AIFM3: variants seen among roughly 807,000 people sequenced by gnomAD.
The protein encoded by AIFM3 is apoptosis-inducing factor 3.
In AIFM3, 71 loss-of-function variants were observed where a neutral mutation model predicts 82.7. The ratio of observed to expected loss-of-function variants is 0.86; its 90% CI spans 0.71 to 1.05. The LOEUF is 1.05. Among genes scored for constraint, AIFM3 ranks in the 50% least tolerant of loss-of-function variants. The probability of loss-of-function intolerance (pLI) is 0.00; values close to 1 mark genes in which losing one functional copy is unlikely to be tolerated. For synonymous variants in AIFM3, 337 were observed against 329.1 expected (o/e 1.02, Z -0.26); for missense variants, 748 against 816.7 (o/e 0.92, Z 1.03).
intron 16 of AIFM3, 31 bp from the exon 17 acceptor site, chr22:20,979,240 G>A: frequency 6.4e-7 from 1 of 1,550,762 alleles, no homozygotes; most frequent in Middle Eastern, 1.7e-4. Flanking sequence ...AAGAGCGAGA[G>A]TTAGGGTTCT....
rs570470648 is a variant in AIFM3, at chr22:20,980,048, A to G, written c.1681A>G (p.Met561Val). The change falls in exon 19 of 21, where the codon ATG becomes GTG. Residue 561 changes from methionine (M) to valine (V), a missense_variant. Transcript: ENST00000440238. ...KGDEVIAVAS[M>V]NYDPIVSKVA... Reference sequence around the variant, plus strand: ...CGACGAGGTGATCGCCGTGGCCAGCATGAACTACGATCCCATTGTGTCCAA... The same window carrying G: ...CGACGAGGTGATCGCCGTGGCCAGCGTGAACTACGATCCCATTGTGTCCAA... 1.2e-6 allele frequency: 2 copies of G among 1,611,478 alleles called. No individual in the cohort carries two copies. Among genetic ancestry groups the G allele is most frequent in the South Asian group, 2.2e-5 (2 of 91,084 alleles).
chr22:20,969,591 A>G (rs1461852215), intron 2 of AIFM3, among the ~76,000 whole-genome samples: 1 of 152,050 alleles, frequency 6.6e-6, no homozygotes, highest in African/African-American at 2.4e-5. Context: ...CACCACGCCC[A>G]GCTATTTTTT....
At chr22:20,978,028 T>C (rs750818695) in intron 16 of AIFM3, 23 bp downstream of exon 16, 114 of 1,610,230 alleles carry the variant, frequency 7.1e-5, no homozygotes, top group Non-Finnish European at 9.2e-5. Context: ...CCGAGGCACA[T>C]GGAGGGGTGG....
intron 10 of AIFM3, 32 bp from the exon 11 acceptor site, chr22:20,976,376 A>C: frequency 6.2e-7 from 1 of 1,613,764 alleles, no homozygotes; most frequent in Non-Finnish European, 8.5e-7. Context: ...TGGGGCTGCC[A>C]GGAGGCCCTC....
At position 20,968,114 on chromosome 22, in the gene AIFM3, A is replaced by T; in HGVS notation, c.31+139A>T. On this transcript the variant is annotated intron_variant, in intron 2 of 20. Coordinates refer to ENST00000440238, the MANE Select transcript of AIFM3 (RefSeq NM_001386814.1). ...CCAAGAACCCGCTCGGAATGTTAAT[A>T]CGCTGCCGCCAGGAGGGGGTAGGGG... is the stretch of plus-strand genomic sequence containing the variant. 3.4e-6 allele frequency: 3 copies of T among 888,984 alleles called. No homozygotes were observed. In the East Asian group the frequency reaches 8.1e-5, roughly 24 times the overall value. 55.1% of individuals were successfully genotyped at this position (888,984 alleles called of 1,614,324 possible). A position where few individuals can be genotyped will look rare whatever the true frequency, so the allele number is the denominator to read the frequency against.
intron 2 of AIFM3, among the ~76,000 whole-genome samples, chr22:20,969,969 G>C (rs978831505): frequency 5.3e-5 from 8 of 152,174 alleles, no homozygotes; most frequent in African/African-American, 1.7e-4. Flanking sequence ...GTGTGCATCA[G>C]CACCTGCTTC....
chr22:20,975,380 C>T (rs1051512656), intron 8 of AIFM3, among the ~76,000 whole-genome samples: 2 of 151,166 alleles, frequency 1.3e-5, no homozygotes, highest in East Asian at 2.0e-4. Flanking sequence ...ATCCTCCCAC[C>T]TCTGCCTCCC....
intron 2 of AIFM3, among the ~76,000 whole-genome samples, chr22:20,971,970 G>T (rs1027248561): frequency 6.6e-6 from 1 of 152,140 alleles, no homozygotes; most frequent in African/African-American, 2.4e-5. Flanking sequence ...AGGCTGTGGG[G>T]GGGGGGGGCT....
intron 2 of AIFM3, among the ~76,000 whole-genome samples, chr22:20,970,361 G>A (rs547937710): frequency 9.9e-5 from 15 of 152,198 alleles, no homozygotes; most frequent in African/African-American, 3.4e-4. Flanking sequence ...ATCATAGCTC[G>A]CAGCAACCTA....
rs178274 is a variant in AIFM3 at position 20,977,388 on chromosome 22, A to T, written c.1282+293A>T. 6 of 602,054 alleles carry T rather than the reference A, an allele frequency of 1.0e-5. No individual in the cohort carries two copies. In the South Asian group the frequency reaches 1.2e-4, roughly 12 times the overall value. The allele number at this position is 602,054 out of a possible 1,614,324, so 37.3% of individuals were successfully genotyped here. ...TCGAACTGGCTTCTGCTCCAGCTGA[A>T]GTGCCAATTTGGGTAGGGGCCAAGA... On this transcript the variant is annotated intron_variant, in intron 14 of 20. Transcript: ENST00000440238.
rs773533457 is a variant in AIFM3 at position 20,974,187 on chromosome 22, G to A, written c.465+15G>A. 6 of 1,613,292 alleles carry A rather than the reference G, an allele frequency of 3.7e-6. No homozygotes were observed. The Admixed American group carries it at 6.7e-5, about 18-fold the overall frequency. ...ACAAGTTCCAGGTGGGGCCAGGAGT[G>A]CGATGGGGTGGGAACCTGGGGGTGT... On this transcript the variant is annotated intron_variant, in intron 5 of 20. Transcript: ENST00000440238.
chr22:20,976,968 T>G (rs776260420), intron 13 of AIFM3, 30 bp downstream of exon 13: 2 of 1,613,950 alleles, frequency 1.2e-6, no homozygotes, highest in Non-Finnish European at 1.7e-6. Context: ...CCCTGCTGCT[T>G]TCTGTCCTCT....
intron 2 of AIFM3, among the ~76,000 whole-genome samples, chr22:20,969,638 C>G (rs1923146555): frequency 6.6e-6 from 1 of 152,136 alleles, no homozygotes; most frequent in African/African-American, 2.4e-5. Context: ...ACCGTGTTAG[C>G]CAGGATGGTC....
chr22:20,965,707 A>T (rs1355250954), upstream of AIFM3, among the ~76,000 whole-genome samples: 1 of 152,020 alleles, frequency 6.6e-6, no homozygotes, highest in African/African-American at 2.4e-5. Context: ...CCTTGGGATG[A>T]GGCAGTGGGG....
chr22:20,973,740 A>C lies in AIFM3; in HGVS notation c.246-18A>C. 6.5e-7 allele frequency: 1 copy of C among 1,528,076 alleles called. No individual in the cohort carries two copies. The highest frequency in any genetic ancestry group is 8.8e-7 in the Non-Finnish European group (1 of 1,135,774). 94.7% of individuals were successfully genotyped at this position (1,528,076 alleles called of 1,614,324 possible). On this transcript the variant is annotated intron_variant, in intron 3 of 20. Transcript: ENST00000440238. ...TGCCTGGTGTCTGGCCTGACCTCTG[A>C]GTGCTGCGGTTCCCCAGGATGCGGG...
rs752440165 is a variant in AIFM3 at position 20,980,056 on chromosome 22, C to T, written c.1689C>T (p.Tyr563=). 5 of 1,611,376 alleles carry T rather than the reference C, an allele frequency of 3.1e-6. No homozygotes were observed. Among genetic ancestry groups the T allele is most frequent in the African/African-American group, 2.7e-5 (2 of 74,930 alleles). Residue 563 remains tyrosine (Y), a synonymous_variant, in exon 19 of 21, where the codon TAC becomes TAT. Coordinates refer to ENST00000440238, the MANE Select transcript of AIFM3 (RefSeq NM_001386814.1). ...DEVIAVASMN[Y]DPIVSKVAEV... is the part of the protein sequence containing the mutation. ...TGATCGCCGTGGCCAGCATGAACTA[C>T]GATCCCATTGTGTCCAAGGTCGCTG... is the stretch of plus-strand genomic sequence containing the variant.
rs541592202 is a variant in AIFM3 at position 20,977,610 on chromosome 22, CT to C, written c.1283-89del. The C allele has an allele frequency of 4.5e-5, 68 of 1,517,094 alleles. 1 individual carries two copies. The African/African-American group carries it at 8.8e-4, about 20-fold the overall frequency. The allele number at this position is 1,517,094 out of a possible 1,614,324, so 94.0% of individuals were successfully genotyped here. A position where few individuals can be genotyped will look rare whatever the true frequency, so the allele number is the denominator to read the frequency against. Reference sequence around the variant, plus strand: ...CAGCCCCTGGAGGATCAGTCTGGGGCTGGCACATCAAGCGCATGCTGTAGGG... The same window carrying C: ...CAGCCCCTGGAGGATCAGTCTGGGGCGGCACATCAAGCGCATGCTGTAGGG... On this transcript the variant is annotated intron_variant, in intron 14 of 20. Coordinates refer to ENST00000440238, the MANE Select transcript of AIFM3 (RefSeq NM_001386814.1).
chr22:20,971,018 G>A (rs1310211063), intron 2 of AIFM3, among the ~76,000 whole-genome samples: 5 of 152,212 alleles, frequency 3.3e-5, no homozygotes, highest in African/African-American at 1.2e-4. Flanking sequence ...GAGCAGAGAC[G>A]CCTCTCCCCT....
chr22:20,972,122 G>A lies in AIFM3; in HGVS notation c.32-1185G>A, dbSNP rs552945677. On this transcript the variant is annotated intron_variant, in intron 2 of 20. Coordinates refer to ENST00000440238, the MANE Select transcript of AIFM3 (RefSeq NM_001386814.1). ...AGAGCTATTTTGAGAAGTTGAAATC[G>A]GGCCGGGAGTGGTGGCCCACGCCTG... 1.3e-4 allele frequency among the ~76,000 whole-genome samples: 20 copies of A among 152,264 alleles called. No homozygotes were observed. The South Asian group carries it at 3.5e-3, about 27-fold the overall frequency.
Sources: allele counts gnomAD v4.1 joint callset (sites outside exome capture counted in the v4.1 genomes callset), GRCh38; gene constraint gnomAD v4.1.1; transcripts MANE v1.5; gene names NCBI Gene and HGNC (gene_info 2026-07-23, HGNC 2026-07-21).